The following CSF1R variants were observed in gnomAD, a reference collection of about 807,000 sequenced individuals.
CSF1R encodes colony stimulating factor 1 receptor.
Under a neutral mutation model 110.0 loss-of-function variants are expected in CSF1R, and 40 were observed. That is an observed-to-expected ratio of 0.36 (90% CI 0.28 to 0.47). The LOEUF is 0.47. Among genes scored for constraint, CSF1R ranks in the 20% least tolerant of loss-of-function variants. CSF1R has a pLI of 0.99. For missense variants in CSF1R, 1,052 were observed against 1,253.0 expected (o/e 0.84, Z 2.42); for synonymous variants, 523 against 503.4 (o/e 1.04, Z -0.52).
At chr5:150,085,285 A>AAAAAAAAAAAAAAAAAAG (rs1242863074) in intron 1 of CSF1R, among the ~76,000 whole-genome samples, 1 of 150,232 alleles carries the variant, frequency 6.7e-6, no homozygotes, top group Admixed American at 6.6e-5. Context: ...AGGAAAAAAA[A>AAAAAAAAAAAAAAAAAAG]AAAAAAAACC....
In CSF1R at chr5:150,080,316, C is replaced by A. The variant is rs1432099970; in HGVS notation, c.328G>T (p.Val110Leu). ...AACACGACCACCTCCTGTGCTAGCACGTTCCAGGGCCGGGCAGGGTCTAGA... is the reference window on the plus strand; with the variant it reads ...AACACGACCACCTCCTGTGCTAGCAAGTTCCAGGGCCGGGCAGGGTCTAGA... ...YVKDPARPWN[V>L]LAQEVVVFED... The change falls in exon 3 of 21, where the codon GTG (valine) becomes TTG (leucine). Residue 110 changes from valine (V) to leucine (L), a missense_variant. Val to Leu is a conservative substitution (Grantham distance 32). Around this residue, in one of 5 missense-constraint regions of CSF1R, gnomAD observed 693 missense variants for 735.4 expected, o/e 0.94. Coordinates refer to ENST00000675795, the MANE Select transcript of CSF1R (RefSeq NM_001288705.3). 1.2e-6 allele frequency: 2 copies of A among 1,613,530 alleles called. No individual in the cohort carries two copies. Among genetic ancestry groups the A allele is most frequent in the Non-Finnish European group, 1.7e-6 (2 of 1,179,922 alleles).
intron 1 of CSF1R, among the ~76,000 whole-genome samples, chr5:150,100,472 T>C (rs1419283866): frequency 2.0e-5 from 3 of 151,948 alleles, no homozygotes; most frequent in Non-Finnish European, 4.4e-5. Flanking sequence ...TAATTTCTTG[T>C]ATTTTTAGTG....
intron 1 of CSF1R, among the ~76,000 whole-genome samples, chr5:150,103,972 G>C (rs954165969): frequency 1.3e-5 from 2 of 152,160 alleles, no homozygotes; most frequent in Non-Finnish European, 2.9e-5. Context: ...GAATCACAGG[G>C]GTAACTGTTA....
intron 10 of CSF1R, among the ~76,000 whole-genome samples, chr5:150,062,537 T>C (rs13173404): frequency 0.091 from 10,813 of 118,372 alleles, 1,472 homozygotes; most frequent in East Asian, 0.17. Context: ...GAGATTGCCT[T>C]ATTTCACCCA....
chr5:150,097,671 A>T (rs1182778408), intron 1 of CSF1R, among the ~76,000 whole-genome samples: 2 of 152,380 alleles, frequency 1.3e-5, no homozygotes, highest in African/African-American at 4.8e-5. Context: ...TGAAAAAAAC[A>T]TGAAACACTT....
Position 150,070,249 on chromosome 5 carries a change from A to G in CSF1R, c.1252T>C (p.Leu418=). Residue 418 remains leucine, a synonymous_variant, in exon 8 of 21, where the codon TTG becomes CTG. Transcript: ENST00000675795. ...TGGGGGTACCCAGAGGCAGCACACA[A>G]AAGGGTGCCAGAGCCGTTGATGAAT... ...WTFINGSGTL[L]CAASGYPQPN... The G allele has an allele frequency of 6.2e-7, 1 of 1,614,156 alleles. No individual in the cohort carries two copies. Among genetic ancestry groups the G allele is most frequent in the Non-Finnish European group, 8.5e-7 (1 of 1,180,010 alleles).
intron 1 of CSF1R, among the ~76,000 whole-genome samples, chr5:150,093,952 A>G (rs1165519144): frequency 1.3e-5 from 2 of 152,078 alleles, no homozygotes; most frequent in East Asian, 3.8e-4. Flanking sequence ...AATCCCAGCT[A>G]CTTGGGAGGC....
At chr5:150,084,210 AC>A (rs1758695109) in intron 1 of CSF1R, among the ~76,000 whole-genome samples, 1 of 151,638 alleles carries the variant, frequency 6.6e-6, no homozygotes, top group African/African-American at 2.4e-5. Flanking sequence ...GGTGGCAGGC[AC>A]CAGTAATCAC....
chr5:150,100,881 TAAAC>T (rs1044493208), intron 1 of CSF1R, among the ~76,000 whole-genome samples: 3 of 152,120 alleles, frequency 2.0e-5, no homozygotes, highest in African/African-American at 7.2e-5. Context: ...ATAAACCAAA[TAAAC>T]AAGTGAAATA....
At chr5:150,089,464 C>A (rs1758966088), upstream of CSF1R, among the ~76,000 whole-genome samples, 1 of 152,068 alleles carries the variant, frequency 6.6e-6, no homozygotes, top group African/African-American at 2.4e-5. Flanking sequence ...GCAATAGTAT[C>A]AAAAATAAAA....
chr5:150,105,063 C>G (rs1759506396), intron 1 of CSF1R, among the ~76,000 whole-genome samples: 1 of 151,296 alleles, frequency 6.6e-6, no homozygotes, highest in Non-Finnish European at 1.5e-5. Flanking sequence ...ATATTTTTGA[C>G]AGAGGCTGGG....
chr5:150,094,217 G>A, intron 1 of CSF1R: 1 of 788,832 alleles, frequency 1.3e-6, no homozygotes, highest in East Asian at 2.6e-5. Context: ...AGTGAAGACA[G>A]AATCAATTTT....
At chr5:150,095,438 A>G (rs1759192521) in intron 1 of CSF1R, among the ~76,000 whole-genome samples, 1 of 152,222 alleles carries the variant, frequency 6.6e-6, no homozygotes, top group Non-Finnish European at 1.5e-5. Flanking sequence ...TTGCATCACA[A>G]CAGAATCAAA....
At position 150,056,383 on chromosome 5, in the gene CSF1R, A is replaced by G. The variant is rs149215919; in HGVS notation, c.2320-42T>C. 5.5e-5 allele frequency: 88 copies of G among 1,610,256 alleles called. No homozygotes were observed. The East Asian group carries it at 1.7e-3, about 31-fold the overall frequency. ...CAGGGTTAGTCTTGGGCCTTCTCCT[A>G]CCTGAGCCTGAGGTGAGGAGGATGG... On this transcript the variant is annotated intron_variant, in intron 16 of 20. Coordinates refer to ENST00000675795, the MANE Select transcript of CSF1R (RefSeq NM_001288705.3).
intron 4 of CSF1R, 59 bp from the exon 5 acceptor site, chr5:150,077,494 G>A (rs957704753): frequency 2.1e-5 from 33 of 1,544,120 alleles, no homozygotes; most frequent in Admixed American, 1.4e-4. Flanking sequence ...AGAAAGATCT[G>A]GGTTCCAATC....
intron 10 of CSF1R, among the ~76,000 whole-genome samples, chr5:150,067,486 T>C (rs1009274837): frequency 6.6e-6 from 1 of 152,176 alleles, no homozygotes. Context: ...GGGCATTAAA[T>C]GAGATGATGT....
At chr5:150,108,060 G>T (rs898146276) in intron 1 of CSF1R, among the ~76,000 whole-genome samples, 1 of 152,130 alleles carries the variant, frequency 6.6e-6, no homozygotes, top group African/African-American at 2.4e-5. Context: ...AGTGAGAAGG[G>T]TGAGGAGTTG....
Position 150,102,349 on chromosome 5 carries a change from C to T in CSF1R, c.-181+10912G>A, listed in dbSNP as rs188619357. 1.1e-3 allele frequency among the ~76,000 whole-genome samples: 161 copies of T among 152,204 alleles called. 1 individual carries two copies. The highest frequency in any genetic ancestry group is 3.6e-3 in the African/African-American group (151 of 41,512). ...AGTCTGGTAGGAAAAAATGTTAATT[C>T]GTTGAGGTTTCATGTGCATTTTCTG... On this transcript the variant is annotated intron_variant, in intron 1 of 21. Transcript: ENST00000286301.
Position 150,054,391 on chromosome 5 carries a change from G to A in CSF1R, c.2694C>T (p.Thr898=), listed in dbSNP as rs1408734949. Residue 898 remains threonine (T), a synonymous_variant, in exon 20 of 21, where the codon ACC becomes ACT. Coordinates refer to ENST00000675795, the MANE Select transcript of CSF1R (RefSeq NM_001288705.3). Reference sequence around the variant, plus strand: ...AGATCTGCTGGAAGGTGGGTCTGTGGGTGGGCTCCAAGGCCCAGCAGGCCT... The same window carrying A: ...AGATCTGCTGGAAGGTGGGTCTGTGAGTGGGCTCCAAGGCCCAGCAGGCCT... The part of the protein sequence containing the change: ...IMQACWALEP[T]HRPTFQQICS... 1.2e-6 allele frequency: 2 copies of A among 1,613,802 alleles called. No individual in the cohort carries two copies. The highest frequency in any genetic ancestry group is 1.7e-5 in the Admixed American group (1 of 59,970).
Sources: gnomAD v4.1 joint callset for allele counts (sites outside exome capture counted in the v4.1 genomes callset) on GRCh38, gnomAD v4.1.1 for gene constraint, gnomAD v4.1.1 regional missense constraint, MANE v1.5 for transcripts, NCBI Gene and HGNC (gene_info 2026-07-23, HGNC 2026-07-21) for gene names.